The following SLC35A2 variants were observed in gnomAD, a reference collection of about 807,000 sequenced individuals.
SLC35A2 encodes UDP-galactose translocator.
SLC35A2 carries 1 observed loss-of-function variant against 17.3 expected under a neutral mutation model. The observed-to-expected ratio is 0.06, with a 90% confidence interval of 0.02 to 0.27. The LOEUF is 0.27. Among genes scored for constraint, SLC35A2 ranks in the 10% least tolerant of loss-of-function variants. The pLI is 1.00. For synonymous variants in SLC35A2, 161 were observed against 161.3 expected (o/e 1.00, Z 0.01); for missense variants, 191 against 339.3 (o/e 0.56, Z 3.43).
rs782428095 is a variant in SLC35A2, at chrX:48,910,169, T to G, written c.92-173A>C. 63 of 938,706 alleles carry G rather than the reference T, an allele frequency of 6.7e-5. No individual in the cohort carries two copies. In the Admixed American group the frequency reaches 1.0e-3, roughly 15 times the overall value. The allele number at this position is 938,706 out of a possible 1,213,427, so 77.4% of individuals were successfully genotyped here. ...AAGGGTCTGACTCCTACCGGCTTAC[T>G]GCCTCAGCCATGAGCAGGAAGAGCC... On this transcript the variant is annotated intron_variant, in intron 1 of 4. Coordinates refer to ENST00000247138, the MANE Select transcript of SLC35A2 (RefSeq NM_005660.3).
In SLC35A2 at chrX:48,909,912, G is replaced by A. The variant is rs782218448; in HGVS notation, c.176C>T (p.Thr59Met). 55 of 1,209,036 alleles carry A rather than the reference G, an allele frequency of 4.5e-5. No homozygotes were observed. Among genetic ancestry groups the A allele is most frequent in the Non-Finnish European group, 6.1e-5 (55 of 894,330 alleles). ...SLILSIRYAR[T>M]LPGDRFFATT... The stretch of plus-strand genomic sequence containing the variant: ...GGCAAAGAAGCGGTCCCCTGGCAAC[G>A]TGCGGGCGTAGCGGATGCTGAGGAT... Residue 59 changes from threonine to methionine, a missense_variant, in exon 2 of 5, where the codon ACG becomes ATG. Physicochemically the swap from Thr to Met is moderately conservative, Grantham distance 81. Coordinates refer to ENST00000247138, the MANE Select transcript of SLC35A2 (RefSeq NM_005660.3).
intron 2 of SLC35A2, among the ~76,000 whole-genome samples, chrX:48,908,922 G>A (rs1217395531): frequency 3.6e-5 from 4 of 112,320 alleles, no homozygotes; most frequent in African/African-American, 1.3e-4. Context: ...AGGCCTTCAG[G>A]GAGATGTTGA....
chrX:48,907,748 G>A (rs782330847), intron 2 of SLC35A2, among the ~76,000 whole-genome samples: 15 of 112,150 alleles, frequency 1.3e-4, no homozygotes, highest in East Asian at 2.9e-4. Flanking sequence ...CGGGCTGGGC[G>A]CAGTGGCTCA....
chrX:48,911,874 T>C (rs1488284453), upstream of SLC35A2: 1 of 1,165,885 alleles, frequency 8.6e-7, no homozygotes, highest in African/African-American at 1.8e-5. Flanking sequence ...CTACAGAGCT[T>C]CATCGGCCCA....
At chrX:48,911,703 G>T, upstream of SLC35A2, 4 of 1,154,399 alleles carry the variant, frequency 3.5e-6, no homozygotes, top group Non-Finnish European at 4.6e-6. Flanking sequence ...CACTTCCGCT[G>T]CCGGGCCACC....
Position 48,905,470 on chromosome X carries a change from G to A in SLC35A2, c.439C>T (p.Leu147=), listed in dbSNP as rs781984813. The A allele has an allele frequency of 1.8e-4, 208 of 1,146,613 alleles. No individual in the cohort carries two copies. In the South Asian group the frequency reaches 4.2e-3, roughly 23 times the overall value. 94.5% of individuals were successfully genotyped at this position (1,146,613 alleles called of 1,213,427 possible). ...AACAGCGCTGTGGTCAGGATCTTCA[G>A]CTGGTATGTCACCTGCGAGTGGCAC... ...PAATFQVTYQ[L]KILTTALFSV... Residue 147 remains leucine (L), a synonymous_variant, in exon 4 of 5, where the codon CTG becomes TTG. Transcript: ENST00000247138.
Position 48,911,638 on chromosome X carries a change from T to C in SLC35A2, c.-2A>G, listed in dbSNP as rs1557044128. ...ACCACCAGCCCCAACCGCTGCCATG[T>C]TGGCATCTGCCCGGCCCGTCCCCTC... On this transcript the variant is annotated 5_prime_UTR_variant, in exon 1 of 5. Transcript: ENST00000247138. 6 of 1,160,483 alleles carry C rather than the reference T, an allele frequency of 5.2e-6. No individual in the cohort carries two copies. The highest frequency in any genetic ancestry group is 5.1e-5 in the Admixed American group (2 of 38,994).
At position 48,909,644 on chromosome X, in the gene SLC35A2, G is replaced by A. The variant is rs997474939; in HGVS notation, c.274+170C>T. On this transcript the variant is annotated intron_variant, in intron 2 of 4. Coordinates refer to ENST00000247138, the MANE Select transcript of SLC35A2 (RefSeq NM_005660.3). ...TACAGCCCACACAGGCCGGCTACCC[G>A]GCTGTTAGGGCTAGAAAAGTGTAAG... Among the ~76,000 whole-genome samples the A allele has an allele frequency of 4.4e-5, 5 of 113,586 alleles. No homozygotes were observed. The Admixed American group carries it at 4.6e-4, about 10-fold the overall frequency.
chrX:48,909,923 G>A lies in SLC35A2; in HGVS notation c.165C>T (p.Arg55=). The A allele has an allele frequency of 8.3e-7, 1 of 1,210,454 alleles. No individual in the cohort carries two copies. The highest frequency in any genetic ancestry group is 1.1e-6 in the Non-Finnish European group (1 of 894,624). Residue 55 remains arginine, a synonymous_variant, in exon 2 of 5, where the codon CGC becomes CGT. Transcript: ENST00000247138. ...GGTCCCCTGGCAACGTGCGGGCGTA[G>A]CGGATGCTGAGGATGAGGGAGGCAT... ...VQNASLILSI[R]YARTLPGDRF...
At position 48,904,954 on chromosome X, in the gene SLC35A2, G is replaced by A. The variant is rs2063477835; in HGVS notation, c.955C>T (p.His319Tyr). 8 of 1,211,275 alleles carry A rather than the reference G, an allele frequency of 6.6e-6. No individual in the cohort carries two copies. The highest frequency in any genetic ancestry group is 7.8e-6 in the Non-Finnish European group (7 of 895,053). The change falls in exon 4 of 5, where the codon CAC (histidine) becomes TAC (tyrosine). Residue 319 changes from histidine (H) to tyrosine (Y), a missense_variant. His to Tyr is a moderately conservative substitution (Grantham distance 83, BLOSUM62 2). Coordinates refer to ENST00000247138, the MANE Select transcript of SLC35A2 (RefSeq NM_005660.3). The part of the protein sequence containing the change: ...TVASIRLFGF[H>Y]VDPLFALGAG... Reference sequence around the variant, plus strand: ...CCAAGGGCAAATAATGGGTCCACGTGGAAGCCAAAGAGGCGAATGGAGGCA... The same window carrying A: ...CCAAGGGCAAATAATGGGTCCACGTAGAAGCCAAAGAGGCGAATGGAGGCA...
upstream of SLC35A2, chrX:48,911,844 G>C: frequency 4.3e-6 from 5 of 1,167,170 alleles, no homozygotes; most frequent in Non-Finnish European, 5.7e-6. Context: ...GACACGGCCC[G>C]ATCGGCCTAC....
chrX:48,903,967 A>C (rs2063465124), intron 4 of SLC35A2: 3 of 761,880 alleles, frequency 3.9e-6, no homozygotes, highest in Middle Eastern at 7.5e-4. Flanking sequence ...ACATCTGGCA[A>C]CTGACAGTGT....
At chrX:48,907,483 G>T (rs192797456) in intron 2 of SLC35A2, among the ~76,000 whole-genome samples, 144 of 111,110 alleles carry the variant, frequency 1.3e-3, no homozygotes, top group African/African-American at 4.4e-3. Flanking sequence ...TCCTGACCTC[G>T]TGATCCGCCT....
At chrX:48,906,335 T>A in intron 3 of SLC35A2, 57 bp downstream of exon 3, 7 of 1,111,346 alleles carry the variant, frequency 6.3e-6, no homozygotes, top group Non-Finnish European at 7.4e-6. Context: ...GCTATTCCCA[T>A]ACTCCAGTCC....
Position 48,904,968 on chromosome X carries a change from C to T in SLC35A2, c.941G>A (p.Arg314His), listed in dbSNP as rs920606773. 10 of 1,209,614 alleles carry T rather than the reference C, an allele frequency of 8.3e-6. No individual in the cohort carries two copies. The highest frequency in any genetic ancestry group is 3.0e-5 in the East Asian group (1 of 33,784). The part of the protein sequence containing the change: ...SIVLSTVASI[R>H]LFGFHVDPLF... ...TGGGTCCACGTGGAAGCCAAAGAGG[C>T]GAATGGAGGCAACAGTGGACAGCAC... Residue 314 changes from arginine to histidine, a missense_variant, in exon 4 of 5, where the codon CGC (arginine) becomes CAC (histidine). Arg to His is a conservative substitution (Grantham distance 29). This residue lies in a region of SLC35A2 where 164 missense variants were observed against 315.3 expected (regional missense o/e 0.52). Transcript: ENST00000247138.
At chrX:48,903,852 T>C (rs1342222629) in intron 4 of SLC35A2, 1 of 801,740 alleles carries the variant, frequency 1.2e-6, no homozygotes, top group African/African-American at 2.2e-5. Context: ...AGTTCATCAA[T>C]CCCAAGACAC....
rs181818981 is a variant in SLC35A2 at position 48,903,822 on chromosome X, G to A, written c.1164-357C>T. ...TTAAGGGGTTAATAAGCTTTGGGGA[G>A]CGCAGGAGGCAGGTTCCACAGTTCA... is the stretch of plus-strand genomic sequence containing the variant. On this transcript the variant is annotated intron_variant, in intron 4 of 4. Coordinates refer to ENST00000247138, the MANE Select transcript of SLC35A2 (RefSeq NM_005660.3). The A allele has an allele frequency of 1.4e-4, 116 of 818,118 alleles. No homozygotes were observed. In the African/African-American group the frequency reaches 2.5e-3, roughly 18 times the overall value. 67.4% of individuals were successfully genotyped at this position (818,118 alleles called of 1,213,427 possible). A position where few individuals can be genotyped will look rare whatever the true frequency, so the allele number is the denominator to read the frequency against.
intron 1 of SLC35A2, chrX:48,910,335 C>T: frequency 9.4e-7 from 1 of 1,065,149 alleles, no homozygotes. Flanking sequence ...AGAAAGAATA[C>T]CGACAACTAC....
upstream of SLC35A2, chrX:48,911,816 T>A (rs2063538657): frequency 1.7e-6 from 2 of 1,167,344 alleles, no homozygotes. Flanking sequence ...CCAAATTCCG[T>A]CGGATCGGGA....
Sources: allele counts gnomAD v4.1 joint callset (sites outside exome capture counted in the v4.1 genomes callset), GRCh38; gene constraint gnomAD v4.1.1; regional missense constraint gnomAD v4.1.1; transcripts MANE v1.5; gene names NCBI Gene and HGNC (gene_info 2026-07-23, HGNC 2026-07-21).